Variants in SYVN1 observed in about 807,000 individuals in gnomAD.
SYVN1 encodes the protein E3 ubiquitin-protein ligase synoviolin.
A neutral mutation model predicts 62.6 loss-of-function variants in SYVN1; 17 were observed. The observed-to-expected ratio is 0.27, with a 90% CI of 0.19 to 0.41. SYVN1 has a LOEUF of 0.41. Ranked by LOEUF, SYVN1 falls within the 10% of genes least tolerant of loss-of-function variation. SYVN1 has a pLI of 1.00. For synonymous variants in SYVN1, 316 were observed against 304.0 expected, an observed-to-expected ratio of 1.04 and a Z score of -0.41; for missense variants, 634 against 818.0, an observed-to-expected ratio of 0.78 and a Z score of 2.74.
rs760025650 is a variant in SYVN1, at chr11:65,133,496, G to C, written c.106C>G (p.Leu36Val). ...KHQFYPTVVYLTKSSPSMAVL... is the reference protein window; with the variant it reads ...KHQFYPTVVYVTKSSPSMAVL... Reference sequence around the variant, plus strand: ...GCCATGCTGGGGCTGGACTTGGTCAGGTACACCACAGTGGGGTAGAACTGG... The same window carrying C: ...GCCATGCTGGGGCTGGACTTGGTCACGTACACCACAGTGGGGTAGAACTGG... Residue 36 changes from leucine (L) to valine (V), a missense_variant, in exon 2 of 16, where the codon CTG becomes GTG. Leu to Val is a conservative substitution (Grantham distance 32). This residue lies in a region of SYVN1 where 283 missense variants were observed against 444.7 expected (regional missense o/e 0.64). Transcript: ENST00000377190. 1 of 1,613,870 alleles carries C rather than the reference G, an allele frequency of 6.2e-7. No individual in the cohort carries two copies. The highest frequency in any genetic ancestry group is 1.1e-5 in the South Asian group (1 of 91,088).
chr11:65,128,782 T>G (rs1362328423), intron 14 of SYVN1, 68 bp from the exon 15 acceptor site: 2 of 1,463,296 alleles, frequency 1.4e-6, no homozygotes, highest in African/African-American at 1.4e-5. Flanking sequence ...TCTCCTGCCC[T>G]TGGTGAGCCT....
At chr11:65,133,970 G>C (rs1948214561) in intron 1 of SYVN1, among the ~76,000 whole-genome samples, 1 of 152,190 alleles carries the variant, frequency 6.6e-6, no homozygotes, top group South Asian at 2.1e-4. Context: ...GGGGTGGGAG[G>C]CAACAGCAGA....
chr11:65,132,471 G>A, intron 5 of SYVN1, 120 bp from the exon 6 acceptor site: 2 of 791,272 alleles, frequency 2.5e-6, no homozygotes, highest in Non-Finnish European at 4.2e-6. Flanking sequence ...AGTCAGGTGG[G>A]CACACTCCAC....
Position 65,128,652 on chromosome 11 carries a change from G to A in SYVN1, c.1658C>T (p.Ala553Val). Reference protein sequence around the residue: ...TEETATTVVAAASSTSIPSSE... With the variant: ...TEETATTVVAVASSTSIPSSE... ...GCTAGGGATGCTGGTGGAGGAGGCA[G>A]CAGCAACAACTGTAGTGGCAGTCTC... The change falls in exon 15 of 16, where the codon GCT (alanine) becomes GTT (valine). Residue 553 changes from alanine to valine, a missense_variant. This residue lies in a region of SYVN1 where 351 missense variants were observed against 373.3 expected (regional missense o/e 0.94). Coordinates refer to ENST00000377190, the MANE Select transcript of SYVN1 (RefSeq NM_172230.3). 6.2e-7 allele frequency: 1 copy of A among 1,614,010 alleles called. No homozygotes were observed. The highest frequency in any genetic ancestry group is 1.3e-5 in the African/African-American group (1 of 75,046).
intron 6 of SYVN1, among the ~76,000 whole-genome samples, chr11:65,131,880 G>A (rs976398056): frequency 6.6e-6 from 1 of 152,178 alleles, no homozygotes; most frequent in Non-Finnish European, 1.5e-5. Context: ...GGCCTGGTGT[G>A]AAATTCGCAC....
At position 65,130,399 on chromosome 11, in the gene SYVN1, G is replaced by A; in HGVS notation, c.1106-20C>T. ...GGGGGACTGCAGAGAGAAGACGGAGGTAAGGAAAGGGCCAAATGGACACAG... is the reference window on the plus strand; with the variant it reads ...GGGGGACTGCAGAGAGAAGACGGAGATAAGGAAAGGGCCAAATGGACACAG... On this transcript the variant is annotated intron_variant, in intron 11 of 15. Coordinates refer to ENST00000377190, the MANE Select transcript of SYVN1 (RefSeq NM_172230.3). 2 of 1,517,424 alleles carry A rather than the reference G, an allele frequency of 1.3e-6. No individual in the cohort carries two copies. The highest frequency in any genetic ancestry group is 1.8e-6 in the Non-Finnish European group (2 of 1,134,940). The allele number at this position is 1,517,424 out of a possible 1,614,324, so 94.0% of individuals were successfully genotyped here.
At chr11:65,131,089 C>G in intron 9 of SYVN1, 43 bp downstream of exon 9, 3 of 1,613,984 alleles carry the variant, frequency 1.9e-6, no homozygotes, top group Non-Finnish European at 2.5e-6. Context: ...GCAGAGGGAC[C>G]CAGGACCGAG....
At position 65,128,053 on chromosome 11, in the gene SYVN1, G is replaced by A. The variant is rs368156060; in HGVS notation, c.*329C>T. On this transcript the variant is annotated 3_prime_UTR_variant, in exon 16 of 16. Transcript: ENST00000377190. The stretch of plus-strand genomic sequence containing the variant: ...TCCGCACATACAAGTAGGGCTTGGA[G>A]GGGCAGCCCCTTCTCCTGGAAAGGG... 2.7e-4 allele frequency: 128 copies of A among 469,408 alleles called. 1 individual carries two copies. Among genetic ancestry groups the A allele is most frequent in the Non-Finnish European group, 3.1e-4 (80 of 259,430 alleles). 29.1% of individuals were successfully genotyped at this position (469,408 alleles called of 1,614,324 possible).
rs1180031190 is a variant in SYVN1 at position 65,130,004 on chromosome 11, A to G, written c.1406T>C (p.Phe469Ser). Residue 469 changes from phenylalanine (F) to serine (S), a missense_variant and splice_region_variant, in exon 13 of 16, where the codon TTT (phenylalanine) becomes TCT (serine). Physicochemically the swap from Phe to Ser is radical, Grantham distance 155. Transcript: ENST00000377190. ...PWMGMPLPPP[F>S]AFPPMPVPPA... ...ACCCAGAGAGTGGCCCAGCTTACCA[A>G]AGGGTGGAGGCAGGGGCATACCCAT... 2 of 1,594,510 alleles carry G rather than the reference A, an allele frequency of 1.3e-6. No individual in the cohort carries two copies. Among genetic ancestry groups the G allele is most frequent in the Non-Finnish European group, 1.7e-6 (2 of 1,167,484 alleles).
At position 65,127,391 on chromosome 11, in the gene SYVN1, C is replaced by CA; in HGVS notation, c.*990dup. 1 of 230,674 alleles carries CA rather than the reference C, an allele frequency of 4.3e-6. No individual in the cohort carries two copies. Among genetic ancestry groups the CA allele is most frequent in the East Asian group, 9.5e-5 (1 of 10,566 alleles). 14.3% of individuals were successfully genotyped at this position (230,674 alleles called of 1,614,324 possible). A position where few individuals can be genotyped will look rare whatever the true frequency, so the allele number is the denominator to read the frequency against. On this transcript the variant is annotated 3_prime_UTR_variant, in exon 16 of 16. Transcript: ENST00000377190. ...ACTGTCTCCAACAACTCTTGTAACA[C>CA]AAAACCAAGGGGAAAAGACAGGGGC... is the stretch of plus-strand genomic sequence containing the variant.
chr11:65,129,582 C>A, intron 14 of SYVN1, 147 bp downstream of exon 14: 1 of 679,996 alleles, frequency 1.5e-6, no homozygotes, highest in African/African-American at 1.8e-5. Context: ...CCAGGAGTTA[C>A]CAAGAACTCC....
At position 65,131,684 on chromosome 11, in the gene SYVN1, G is replaced by A. The variant is rs1345006316; in HGVS notation, c.532-88C>T. 13 of 1,506,240 alleles carry A rather than the reference G, an allele frequency of 8.6e-6. No homozygotes were observed. The East Asian group carries it at 2.5e-4, about 29-fold the overall frequency. The allele number at this position is 1,506,240 out of a possible 1,614,324, so 93.3% of individuals were successfully genotyped here. On this transcript the variant is annotated intron_variant, in intron 6 of 15. Coordinates refer to ENST00000377190, the MANE Select transcript of SYVN1 (RefSeq NM_172230.3). ...GCTCCCCAAGGCCTCTGCACAGCAG[G>A]TGCAGTGGTACAATCACAGGCTCTA...
chr11:65,130,311 G>C lies in SYVN1; in HGVS notation c.1174C>G (p.Pro392Ala). 6.3e-7 allele frequency: 1 copy of C among 1,588,868 alleles called. No individual in the cohort carries two copies. Reference sequence around the variant, plus strand: ...GAGCTGGGGGGAGGCGGGACAGGTGGAAAGGGGCCCATGGGGGGCCACAGT... The same window carrying C: ...GAGCTGGGGGGAGGCGGGACAGGTGCAAAGGGGCCCATGGGGGGCCACAGT... Reference protein sequence around the residue: ...FPLWPPMGPFPPVPPPPSSGE... With the variant: ...FPLWPPMGPFAPVPPPPSSGE... The change falls in exon 12 of 16, where the codon CCA becomes GCA. Residue 392 changes from proline to alanine, a missense_variant. Coordinates refer to ENST00000377190, the MANE Select transcript of SYVN1 (RefSeq NM_172230.3).
Position 65,128,667 on chromosome 11 carries a change from G to T in SYVN1, c.1643C>A (p.Thr548Asn), listed in dbSNP as rs143335086. 1 of 1,613,902 alleles carries T rather than the reference G, an allele frequency of 6.2e-7. No individual in the cohort carries two copies. Among genetic ancestry groups the T allele is most frequent in the Admixed American group, 1.7e-5 (1 of 59,968 alleles). Residue 548 changes from threonine to asparagine, a missense_variant, in exon 15 of 16, where the codon ACT (threonine) becomes AAT (asparagine). Physicochemically the swap from Thr to Asn is moderately conservative, Grantham distance 65 (BLOSUM62 0). This residue lies in a region of SYVN1 where 351 missense variants were observed against 373.3 expected (regional missense o/e 0.94). Coordinates refer to ENST00000377190, the MANE Select transcript of SYVN1 (RefSeq NM_172230.3). ...TSVNSTEETA[T>N]TVVAAASSTS... Reference sequence around the variant, plus strand: ...GGAGGAGGCAGCAGCAACAACTGTAGTGGCAGTCTCCTCAGTGGAGTTGAC... The same window carrying T: ...GGAGGAGGCAGCAGCAACAACTGTATTGGCAGTCTCCTCAGTGGAGTTGAC...
chr11:65,128,415 G>T lies in SYVN1; in HGVS notation c.1821C>A (p.Arg607=). 1 of 1,613,892 alleles carries T rather than the reference G, an allele frequency of 6.2e-7. No individual in the cohort carries two copies. Among genetic ancestry groups the T allele is most frequent in the Non-Finnish European group, 8.5e-7 (1 of 1,179,978 alleles). The part of the protein sequence containing the change: ...EPDAAELRRR[R]LQKLESPVAH ...CAACAGGAGACTCCAGCTTCTGCAG[G>T]CGGCGCCGGCGGAGCTCTGCTGCAT... The change falls in exon 16 of 16, where the codon CGC becomes CGA. Residue 607 remains arginine (R), a synonymous_variant. Coordinates refer to ENST00000377190, the MANE Select transcript of SYVN1 (RefSeq NM_172230.3).
rs113423920 is a variant in SYVN1, at chr11:65,133,396, A to T, written c.132+74T>A. The stretch of plus-strand genomic sequence containing the variant: ...CTACTTCCCTACTTACCTGACCTCT[A>T]GCCCCGCCCCTTGCCCAGGCAGACT... On this transcript the variant is annotated intron_variant, in intron 2 of 15. Transcript: ENST00000377190. 307 of 1,594,316 alleles carry T rather than the reference A, an allele frequency of 1.9e-4. 1 individual carries two copies. The African/African-American group carries it at 3.7e-3, about 19-fold the overall frequency.
At chr11:65,131,998 G>C (rs1461379900) in intron 6 of SYVN1, among the ~76,000 whole-genome samples, 2 of 152,096 alleles carry the variant, frequency 1.3e-5, no homozygotes, top group Admixed American at 1.3e-4. Flanking sequence ...GCTAGCTCCG[G>C]CACGAGCCTC....
rs147809625 is a variant in SYVN1 at position 65,133,014 on chromosome 11, G to T, written c.286C>A (p.Arg96=). The change falls in exon 4 of 16, where the codon CGG becomes AGG. Residue 96 remains arginine, a synonymous_variant. Transcript: ENST00000377190. ...TETCLAFTVF[R]DDFSPRFVAL... The stretch of plus-strand genomic sequence containing the variant: ...ACAAAGCGGGGGCTGAAGTCATCCC[G>T]AAAAACGGTGAAGGCCAGACAAGTC... 1.8e-3 allele frequency: 2,868 copies of T among 1,614,220 alleles called. 3 individuals carry two copies. The highest frequency in any genetic ancestry group is 2.3e-3 in the Non-Finnish European group (2,696 of 1,180,038).
chr11:65,131,213 G>C lies in SYVN1; in HGVS notation c.759-16C>G, dbSNP rs370251699. The C allele has an allele frequency of 3.7e-6, 6 of 1,614,014 alleles. No homozygotes were observed. Among genetic ancestry groups the C allele is most frequent in the Non-Finnish European group, 5.1e-6 (6 of 1,179,956 alleles). On this transcript the variant is annotated splice_polypyrimidine_tract_variant and intron_variant, in intron 8 of 15. Transcript: ENST00000377190. ...CTTGAACTGTCTGAAAGGACAGTCA[G>C]TGAAAGCAGGAGAAGGGACGGGATC...
Sources: gnomAD v4.1 joint callset for allele counts (sites outside exome capture counted in the v4.1 genomes callset) on GRCh38, gnomAD v4.1.1 for gene constraint, gnomAD v4.1.1 regional missense constraint, MANE v1.5 for transcripts, NCBI Gene and HGNC (gene_info 2026-07-23, HGNC 2026-07-21) for gene names.